The following MID1 variants were observed in gnomAD, a reference collection of about 807,000 sequenced individuals.
MID1 encodes the protein midline 1.
A neutral mutation model predicts 40.4 loss-of-function variants in MID1; 7 were observed. The ratio of observed to expected loss-of-function variants is 0.17; its 90% CI spans 0.10 to 0.33. The LOEUF is 0.33. Ranked by LOEUF, MID1 falls within the 10% of genes least tolerant of loss-of-function variation. MID1 has a pLI of 1.00. For missense variants in MID1, 367 were observed against 558.5 expected, an observed-to-expected ratio of 0.66 and a Z score of 3.46; for synonymous variants, 229 against 221.2, an observed-to-expected ratio of 1.04 and a Z score of -0.31.
intron 1 of MID1, among the ~76,000 whole-genome samples, chrX:10,609,715 CTTT>C (rs138559299): frequency 1.2e-5 from 1 of 86,408 alleles, no homozygotes. Flanking sequence ...TTCTTTCTTT[CTTT>C]TTTTTTTTTT....
At chrX:10,744,665 A>G (rs1251340129) in intron 1 of MID1, among the ~76,000 whole-genome samples, 1 of 111,307 alleles carries the variant, frequency 9.0e-6, no homozygotes, top group African/African-American at 3.3e-5. Flanking sequence ...TGGAGTCCTC[A>G]TTGTGTTTAA....
chrX:10,628,834 T>C (rs1280951790), intron 1 of MID1, among the ~76,000 whole-genome samples: 1 of 112,124 alleles, frequency 8.9e-6, no homozygotes, highest in Non-Finnish European at 1.9e-5. Flanking sequence ...TGAAAAACTC[T>C]CGTATCTATC....
intron 1 of MID1, among the ~76,000 whole-genome samples, chrX:10,763,819 C>T (rs1184000096): frequency 1.8e-5 from 2 of 111,806 alleles, no homozygotes; most frequent in African/African-American, 6.5e-5. Flanking sequence ...ACATCCTCTC[C>T]AGCACCTGTT....
At chrX:10,519,272 A>T (rs1016623892) in intron 3 of MID1, among the ~76,000 whole-genome samples, 2 of 112,030 alleles carry the variant, frequency 1.8e-5, no homozygotes, top group African/African-American at 6.5e-5. Context: ...ATGCCATCAC[A>T]TCATAAAAAT....
At chrX:10,738,036 T>C (rs1432687716) in intron 1 of MID1, among the ~76,000 whole-genome samples, 3 of 110,512 alleles carry the variant, frequency 2.7e-5, no homozygotes, top group Non-Finnish European at 5.7e-5. Context: ...GCCAGTACTG[T>C]GAGGTTGGGT....
At chrX:10,609,300 G>A (rs1935685118) in intron 1 of MID1, among the ~76,000 whole-genome samples, 1 of 111,754 alleles carries the variant, frequency 8.9e-6, no homozygotes, top group Non-Finnish European at 1.9e-5. Context: ...CAGAGGGTAA[G>A]AGGTAGAAAT....
intron 1 of MID1, among the ~76,000 whole-genome samples, chrX:10,687,573 T>C (rs1045250257): frequency 2.7e-5 from 3 of 112,670 alleles, no homozygotes; most frequent in Admixed American, 1.9e-4. Context: ...TGATTATTTC[T>C]TTCAGATTGA....
At chrX:10,831,724 G>A (rs1320308483) in intron 1 of MID1, among the ~76,000 whole-genome samples, 5 of 111,699 alleles carry the variant, frequency 4.5e-5, no homozygotes, top group African/African-American at 1.3e-4. Context: ...TAATTCATAT[G>A]CCACTGGCAA....
In MID1 at chrX:10,719,786, G is replaced by A. The variant is rs766882879; in HGVS notation, c.-186-99367C>T. ...CAAAGCTGGAGGCATCATGCTACCT[G>A]ACTTCAAACTATACTACAAGGCTAC... On this transcript the variant is annotated intron_variant, in intron 1 of 10. Coordinates refer to the MID1 transcript ENST00000380785. 4.5e-5 allele frequency among the ~76,000 whole-genome samples: 5 copies of A among 111,217 alleles called. No individual in the cohort carries two copies. The South Asian group carries it at 1.9e-3, about 43-fold the overall frequency.
chrX:10,786,297 T>G lies in MID1; in HGVS notation c.-187+47257A>C, dbSNP rs767699172. On this transcript the variant is annotated intron_variant, in intron 1 of 10. Coordinates refer to the MID1 transcript ENST00000380785. ...CATCTCACACCAGTTAGAATGGCAA[T>G]CATTAAAAAGTCAGGAAACAACAGG... 3.9e-3 allele frequency among the ~76,000 whole-genome samples: 432 copies of G among 110,246 alleles called. 5 individuals are homozygous for G. The highest frequency in any genetic ancestry group is 0.014 in the African/African-American group (412 of 30,229).
intron 1 of MID1, among the ~76,000 whole-genome samples, chrX:10,782,567 T>C (rs991532587): frequency 8.0e-5 from 9 of 111,813 alleles, no homozygotes; most frequent in African/African-American, 2.9e-4. Context: ...GTATGGTTCA[T>C]GATGGAGATA....
chrX:10,665,418 A>C (rs1272438642), intron 1 of MID1, among the ~76,000 whole-genome samples: 1 of 111,064 alleles, frequency 9.0e-6, no homozygotes, highest in African/African-American at 3.3e-5. Flanking sequence ...GTTCTTTTAC[A>C]CACGAACCTC....
chrX:10,711,686 G>T (rs1015578587), intron 1 of MID1, among the ~76,000 whole-genome samples: 1 of 112,683 alleles, frequency 8.9e-6, no homozygotes. Context: ...GAATCAAGAT[G>T]CAATAGGCAG....
In MID1 at chrX:10,459,568, G is replaced by GGAAAA. The variant is rs1186068866; in HGVS notation, c.1447+73_1447+77dup. The GGAAAA allele has an allele frequency of 9.2e-6, 10 of 1,081,643 alleles. No individual in the cohort carries two copies. The East Asian group carries it at 2.7e-4, about 29-fold the overall frequency. The allele number at this position is 1,081,643 out of a possible 1,213,427, so 89.1% of individuals were successfully genotyped here. ...TCAATGATACCCAAGACAGAGAAAA[G>GGAAAA]GAAAAGAAAGGGGGACAGAGTCAGC... On this transcript the variant is annotated intron_variant, in intron 8 of 9. Coordinates refer to ENST00000317552, the MANE Select transcript of MID1 (RefSeq NM_000381.4).
chrX:10,551,923 T>C (rs1217674603), intron 2 of MID1, among the ~76,000 whole-genome samples: 1 of 111,509 alleles, frequency 9.0e-6, no homozygotes, highest in Non-Finnish European at 1.9e-5. Context: ...ACTGGGACCA[T>C]AGGCGTGTGC....
chrX:10,791,969 T>C (rs1194314569), intron 1 of MID1, among the ~76,000 whole-genome samples: 2 of 111,791 alleles, frequency 1.8e-5, no homozygotes, highest in Non-Finnish European at 3.8e-5. Context: ...TCTTCATGGT[T>C]CTGTCTGTGA....
At chrX:10,572,992 C>T (rs1934779294) in intron 1 of MID1, among the ~76,000 whole-genome samples, 1 of 112,375 alleles carries the variant, frequency 8.9e-6, no homozygotes, top group African/African-American at 3.2e-5. Flanking sequence ...ATGTTCCCTA[C>T]AGTCCCTCTA....
intron 2 of MID1, among the ~76,000 whole-genome samples, chrX:10,537,126 C>CA (rs769055872): frequency 5.6e-4 from 62 of 110,366 alleles, no homozygotes; most frequent in South Asian, 1.2e-3. Flanking sequence ...CTCTCACACG[C>CA]AAAAAAACAG....
rs1235106806 is a variant in MID1, at chrX:10,637,623, T to TA, written c.-186-17205dup. On this transcript the variant is annotated intron_variant, in intron 1 of 10. Coordinates refer to the MID1 transcript ENST00000380785. The stretch of plus-strand genomic sequence containing the variant: ...CTGGGTGACAGAGCAAGACTCCATC[T>TA]AAAAAAAAAAAAAAGAAAGAAAGAA... Among the ~76,000 whole-genome samples the TA allele has an allele frequency of 5.0e-3, 475 of 94,617 alleles. 2 individuals are homozygous for TA. Among genetic ancestry groups the TA allele is most frequent in the Admixed American group, 9.6e-3 (83 of 8,661 alleles). 82.2% of individuals were successfully genotyped at this position (94,617 alleles called of 115,157 possible).
Sources: gnomAD v4.1 joint callset for allele counts (sites outside exome capture counted in the v4.1 genomes callset) on GRCh38, gnomAD v4.1.1 for gene constraint, MANE v1.5 for transcripts, NCBI Gene and HGNC (gene_info 2026-07-23, HGNC 2026-07-21) for gene names.